Variants in PDXK observed in about 807,000 individuals in gnomAD.
PDXK encodes pyridoxal kinase.
Under a neutral mutation model 43.2 loss-of-function variants are expected in PDXK, and 15 were observed. The ratio of observed to expected loss-of-function variants is 0.35; its 90% CI spans 0.23 to 0.53. The LOEUF is 0.53. PDXK is among the 20% of genes least tolerant of loss of function. The probability of loss-of-function intolerance (pLI) is 0.92; values close to 1 mark genes in which losing one functional copy is unlikely to be tolerated. For missense variants in PDXK, 343 were observed against 417.0 expected (o/e 0.82, Z 1.54); for synonymous variants, 172 against 165.4 (o/e 1.04, Z -0.31).
chr21:43,744,279 T>G (rs2083599047), intron 4 of PDXK, among the ~76,000 whole-genome samples: 1 of 152,186 alleles, frequency 6.6e-6, no homozygotes, highest in East Asian at 1.9e-4. Flanking sequence ...GGCCAAGTCT[T>G]TGGGGCATCT....
At chr21:43,730,161 GTC>G (rs906440433) in intron 1 of PDXK, among the ~76,000 whole-genome samples, 8 of 151,982 alleles carry the variant, frequency 5.3e-5, no homozygotes, top group African/African-American at 1.2e-4. Flanking sequence ...TTGAGGCAGA[GTC>G]TCTCTCTGTC....
intron 1 of PDXK, among the ~76,000 whole-genome samples, chr21:43,726,421 G>A (rs1417499369): frequency 1.3e-5 from 2 of 151,712 alleles, no homozygotes; most frequent in African/African-American, 2.4e-5. Context: ...GACTACAGGC[G>A]CCCGCCACCA....
intron 10 of PDXK, 44 bp from the exon 11 acceptor site, chr21:43,755,907 G>GC (rs759020877): frequency 6.7e-7 from 1 of 1,502,756 alleles, no homozygotes; most frequent in East Asian, 2.3e-5. Context: ...AACAGCGGGA[G>GC]CCCCTCTGAG....
chr21:43,753,120 A>T (rs2083782545), intron 8 of PDXK, among the ~76,000 whole-genome samples: 2 of 152,132 alleles, frequency 1.3e-5, no homozygotes, highest in Admixed American at 1.3e-4. Context: ...ATGCACATAC[A>T]CTTGGGCACA....
At chr21:43,745,505 A>G (rs1306742991) in intron 4 of PDXK, among the ~76,000 whole-genome samples, 1 of 151,770 alleles carries the variant, frequency 6.6e-6, no homozygotes, top group Non-Finnish European at 1.5e-5. Context: ...GTGAGGACAG[A>G]GTTTCAGTTT....
At chr21:43,728,716 A>G in intron 1 of PDXK, 2 of 985,618 alleles carry the variant, frequency 2.0e-6, no homozygotes, top group Non-Finnish European at 2.4e-6. Flanking sequence ...AGGGCTGCTC[A>G]CACCACCGGC....
rs2083821214 is a variant in PDXK at position 43,754,993 on chromosome 21, A to G, written c.760-705A>G. Among the ~76,000 whole-genome samples the G allele has an allele frequency of 6.6e-6, 1 of 152,180 alleles. No individual in the cohort carries two copies. Among genetic ancestry groups the G allele is most frequent in the African/African-American group, 2.4e-5 (1 of 41,446 alleles). On this transcript the variant is annotated intron_variant, in intron 9 of 10. Coordinates refer to ENST00000291565, the MANE Select transcript of PDXK (RefSeq NM_003681.5). This position sits in a 1 kb window ranked among gnomAD's most constrained non-coding sequence, Gnocchi z 5.5. ...CATCCCTTCTGGCCCCTCAAGGGCA[A>G]TTAAACAGGGCCATTAAGTAAGCCT...
At chr21:43,745,008 A>G (rs533931418) in intron 4 of PDXK, among the ~76,000 whole-genome samples, 2 of 152,370 alleles carry the variant, frequency 1.3e-5, no homozygotes, top group Admixed American at 1.3e-4. Flanking sequence ...GCCAGACACC[A>G]AAAAGGGAGA....
rs567995737 is a variant in PDXK, at chr21:43,761,386, C to G, written c.*5323C>G. On this transcript the variant is annotated 3_prime_UTR_variant, in exon 11 of 11. Transcript: ENST00000291565. The stretch of plus-strand genomic sequence containing the variant: ...TCACCCCATGCATCTCTGTCCTGCC[C>G]GTCAGTGCTGGGACGGACAGCAAGG... 3.2e-5 allele frequency: 5 copies of G among 156,156 alleles called. No individual in the cohort carries two copies. Among genetic ancestry groups the G allele is most frequent in the Non-Finnish European group, 7.2e-5 (5 of 69,576 alleles). 9.7% of individuals were successfully genotyped at this position (156,156 alleles called of 1,614,324 possible). A position where few individuals can be genotyped will look rare whatever the true frequency, so the allele number is the denominator to read the frequency against.
chr21:43,726,509 C>T (rs1280448153), intron 1 of PDXK, among the ~76,000 whole-genome samples: 1 of 152,116 alleles, frequency 6.6e-6, no homozygotes, highest in Non-Finnish European at 1.5e-5. Context: ...ATATCCTGAC[C>T]TCGGGATCTG....
At chr21:43,743,625 C>T (rs1479308640) in intron 3 of PDXK, 99 bp from the exon 4 acceptor site, 7 of 842,084 alleles carry the variant, frequency 8.3e-6, no homozygotes, top group Non-Finnish European at 1.4e-5. Context: ...CCCCAGCCAC[C>T]CCTCTGCAGG....
At chr21:43,722,689 C>T (rs949942097) in intron 1 of PDXK, among the ~76,000 whole-genome samples, 1 of 152,088 alleles carries the variant, frequency 6.6e-6, no homozygotes, top group Non-Finnish European at 1.5e-5. Flanking sequence ...CTGGGGCTCA[C>T]GGCCGAATCA....
chr21:43,719,454 C>T lies in PDXK; in HGVS notation c.87+73C>T, dbSNP rs570041440. 115 of 1,425,276 alleles carry T rather than the reference C, an allele frequency of 8.1e-5. 1 individual carries two copies. The African/African-American group carries it at 1.5e-3, about 19-fold the overall frequency. 88.3% of individuals were successfully genotyped at this position (1,425,276 alleles called of 1,614,324 possible). ...CTTGGCGGGGCTGCCCGAGACGAGCCTCAGTTCCCCGAGGGAGGCTCGGGA... is the reference window on the plus strand; with the variant it reads ...CTTGGCGGGGCTGCCCGAGACGAGCTTCAGTTCCCCGAGGGAGGCTCGGGA... On this transcript the variant is annotated intron_variant, in intron 1 of 10. Transcript: ENST00000291565.
Position 43,719,234 on chromosome 21 carries a change from C to A in PDXK, c.-61C>A. ...CCCGAGCCCGAGCCGAGCCGGAGCC[C>A]GAGCGAGCGGCGGAGACCGTGCCCC... On this transcript the variant is annotated 5_prime_UTR_variant, in exon 1 of 11. Transcript: ENST00000291565. The A allele has an allele frequency of 9.9e-7, 1 of 1,006,198 alleles. No homozygotes were observed. The highest frequency in any genetic ancestry group is 1.3e-6 in the Non-Finnish European group (1 of 765,724). The allele number at this position is 1,006,198 out of a possible 1,614,324, so 62.3% of individuals were successfully genotyped here. A position where few individuals can be genotyped will look rare whatever the true frequency, so the allele number is the denominator to read the frequency against.
rs981857388 is a variant in PDXK, at chr21:43,761,645, C to G, written c.*5582C>G. On this transcript the variant is annotated 3_prime_UTR_variant, in exon 11 of 11. Coordinates refer to ENST00000291565, the MANE Select transcript of PDXK (RefSeq NM_003681.5). ...GCAAGCTGGGTCAGCGGCTCTGAAG[C>G]CCTCGAGTGACTTTCTAACCCAAGA... 2.0e-5 allele frequency: 3 copies of G among 152,158 alleles called. No homozygotes were observed. The highest frequency in any genetic ancestry group is 7.2e-5 in the African/African-American group (3 of 41,410). 9.4% of individuals were successfully genotyped at this position (152,158 alleles called of 1,614,324 possible).
intron 7 of PDXK, among the ~76,000 whole-genome samples, chr21:43,751,487 T>G (rs983634423): frequency 1.3e-5 from 2 of 152,202 alleles, no homozygotes; most frequent in Admixed American, 1.3e-4. Context: ...AGGCGGAGGT[T>G]GCAGTGAGCT....
chr21:43,737,489 A>G lies in PDXK; in HGVS notation c.142+3366A>G. The G allele has an allele frequency of 1.9e-6, 2 of 1,047,154 alleles. No individual in the cohort carries two copies. 64.9% of individuals were successfully genotyped at this position (1,047,154 alleles called of 1,614,324 possible). ...TGTCTGAGCTTCCCGGACTGAGGGC[A>G]CTGGGAAGGAGCCTGCGGAGCTGGA... On this transcript the variant is annotated intron_variant, in intron 2 of 10. Coordinates refer to ENST00000291565, the MANE Select transcript of PDXK (RefSeq NM_003681.5). This position sits in a 1 kb window ranked among gnomAD's most constrained non-coding sequence, Gnocchi z 4.8.
chr21:43,737,279 GCAGGCCTCGCCGCCT>G lies in PDXK; in HGVS notation c.142+3158_142+3172del, dbSNP rs1319028044. The G allele has an allele frequency of 3.5e-6, 5 of 1,411,148 alleles. No homozygotes were observed. The African/African-American group carries it at 7.2e-5, about 20-fold the overall frequency. 87.4% of individuals were successfully genotyped at this position (1,411,148 alleles called of 1,614,324 possible). On this transcript the variant is annotated intron_variant, in intron 2 of 10. Transcript: ENST00000291565. This position sits in a 1 kb window ranked among gnomAD's most constrained non-coding sequence, Gnocchi z 4.8. ...CAAGTGCCTGCAGAGCCCACCTGGC[GCAGGCCTCGCCGCCT>G]CGAGGCTGCTGCTCGCACTTCTGCC...
intron 1 of PDXK, among the ~76,000 whole-genome samples, 187 bp from the exon 2 acceptor site, chr21:43,733,882 G>A (rs1180661106): frequency 6.6e-6 from 1 of 152,254 alleles, no homozygotes; most frequent in Non-Finnish European, 1.5e-5. Flanking sequence ...GGCCCTGCCT[G>A]TGCACATGTC....
Sources: gnomAD v4.1 joint callset for allele counts (sites outside exome capture counted in the v4.1 genomes callset) on GRCh38, gnomAD v4.1.1 for gene constraint, Gnocchi (gnomAD v3.1) non-coding constraint, MANE v1.5 for transcripts, NCBI Gene and HGNC (gene_info 2026-07-23, HGNC 2026-07-21) for gene names.